The following STAT1 variants were observed in gnomAD, a reference collection of about 807,000 sequenced individuals.
STAT1 encodes signal transducer and activator of transcription 1-alpha/beta.
STAT1 carries 24 observed loss-of-function variants against 111.7 expected under a neutral mutation model. The observed-to-expected ratio is 0.21, with a 90% confidence interval of 0.16 to 0.30. STAT1 has a LOEUF of 0.30. STAT1 is among the 10% of genes least tolerant of loss of function. The pLI is 1.00. For missense variants in STAT1, 351 were observed against 911.9 expected (o/e 0.38, Z 7.92); for synonymous variants, 332 against 326.5 (o/e 1.02, Z -0.18).
Position 190,980,775 on chromosome 2 carries a change from C to A in STAT1, c.1583-106G>T. ...CTCTCAAGGAAAAGAGCCAAACACC[C>A]AACAAAGATTGTATGTACACAGTTG... On this transcript the variant is annotated intron_variant, in intron 18 of 24. Transcript: ENST00000361099. The surrounding 1 kb of genome is among the most constrained non-coding windows in gnomAD (Gnocchi z 6.1). 1 of 1,105,686 alleles carries A rather than the reference C, an allele frequency of 9.0e-7. No homozygotes were observed. The highest frequency in any genetic ancestry group is 1.4e-6 in the Non-Finnish European group (1 of 730,646). 68.5% of individuals were successfully genotyped at this position (1,105,686 alleles called of 1,614,324 possible).
chr2:191,005,851 C>T (rs1364797162), intron 5 of STAT1, among the ~76,000 whole-genome samples: 1 of 152,208 alleles, frequency 6.6e-6, no homozygotes, highest in Non-Finnish European at 1.5e-5. Flanking sequence ...TCCCCAGACA[C>T]CCAGAAACTT....
Position 190,998,287 on chromosome 2 carries a change from G to C in STAT1, c.563C>G (p.Ala188Gly). The change falls in exon 8 of 25, where the codon GCA becomes GGA. Residue 188 changes from alanine to glycine, a missense_variant. This residue lies in a region of STAT1 where 67 missense variants were observed against 158.9 expected (regional missense o/e 0.42). Coordinates refer to ENST00000361099, the MANE Select transcript of STAT1 (RefSeq NM_007315.4). This position sits in a 1 kb window ranked among gnomAD's most constrained non-coding sequence, Gnocchi z 4.1. ...QNREHETNGV[A>G]KSDQKQEQLL... ...CTGTTCTTGTTTCTGATCACTCTTT[G>C]CCACACCATTGGTCTCGTGTTCTAT... 2 of 1,613,432 alleles carry C rather than the reference G, an allele frequency of 1.2e-6. No individual in the cohort carries two copies. Among genetic ancestry groups the C allele is most frequent in the Non-Finnish European group, 1.7e-6 (2 of 1,179,822 alleles).
intron 15 of STAT1, among the ~76,000 whole-genome samples, chr2:190,985,374 C>T (rs139718116): frequency 9.9e-4 from 151 of 152,362 alleles, no homozygotes; most frequent in African/African-American, 3.4e-3. Flanking sequence ...AAGCCCACAA[C>T]AGCTACTCCA....
At chr2:191,013,937 G>A (rs978902128) in intron 1 of STAT1, 81 bp downstream of exon 1, 2 of 324,752 alleles carry the variant, frequency 6.2e-6, no homozygotes, top group Non-Finnish European at 1.1e-5. Context: ...GCCCGTCCTC[G>A]CCCGGCGTCC....
rs764471340 is a variant in STAT1, at chr2:190,984,298, TA to T, written c.1347+11del. On this transcript the variant is annotated intron_variant, in intron 16 of 24. Transcript: ENST00000361099. This position sits in a 1 kb window ranked among gnomAD's most constrained non-coding sequence, Gnocchi z 5.2. ...AATGAAGTTTTCCAACTCGGGACCA[TA>T]AAAGTCTTACCTCGAGGTCAATTAC... 6.2e-7 allele frequency: 1 copy of T among 1,607,570 alleles called. No individual in the cohort carries two copies. The highest frequency in any genetic ancestry group is 8.5e-7 in the Non-Finnish European group (1 of 1,174,120).
intron 4 of STAT1, 46 bp downstream of exon 4, chr2:191,008,917 A>G (rs757460302): frequency 2.5e-6 from 4 of 1,605,106 alleles, no homozygotes; most frequent in Non-Finnish European, 3.4e-6. Context: ...ACTGCCTTCC[A>G]TAAACATGAG....
In STAT1 at chr2:191,012,862, T is replaced by C. The variant is rs1364554473; in HGVS notation, c.-2+663A>G. On this transcript the variant is annotated intron_variant, in intron 2 of 24. Transcript: ENST00000361099. This position sits in a 1 kb window ranked among gnomAD's most constrained non-coding sequence, Gnocchi z 4.0. Reference sequence around the variant, plus strand: ...CTAAATCCTATAGCATTCAAAGCTATGTACAAAAGCCCCTTCTTTCATAAA... The same window carrying C: ...CTAAATCCTATAGCATTCAAAGCTACGTACAAAAGCCCCTTCTTTCATAAA... Among the ~76,000 whole-genome samples the C allele has an allele frequency of 6.6e-6, 1 of 152,246 alleles. No individual in the cohort carries two copies. Among genetic ancestry groups the C allele is most frequent in the Non-Finnish European group, 1.5e-5 (1 of 68,040 alleles).
At chr2:190,992,992 G>C (rs536768490) in intron 10 of STAT1, 1 of 257,656 alleles carries the variant, frequency 3.9e-6, no homozygotes, top group Non-Finnish European at 7.4e-6. Context: ...GTTTCATCAT[G>C]TTGGCCAGGC....
rs1217631984 is a variant in STAT1, at chr2:190,987,220, C to T, written c.1098-152G>A. ...TGGATTTGCAGCCTTTCATTCACTC[C>T]CTGCTTCCATCTACCCATACTAGGT... On this transcript the variant is annotated intron_variant, in intron 12 of 24. Coordinates refer to ENST00000361099, the MANE Select transcript of STAT1 (RefSeq NM_007315.4). This position sits in a 1 kb window ranked among gnomAD's most constrained non-coding sequence, Gnocchi z 4.0. The T allele has an allele frequency of 2.9e-6, 2 of 690,272 alleles. No homozygotes were observed. Among genetic ancestry groups the T allele is most frequent in the Non-Finnish European group, 5.0e-6 (2 of 398,440 alleles). 42.8% of individuals were successfully genotyped at this position (690,272 alleles called of 1,614,324 possible). A position where few individuals can be genotyped will look rare whatever the true frequency, so the allele number is the denominator to read the frequency against.
At chr2:190,994,044 G>C (rs1046956163) in intron 10 of STAT1, among the ~76,000 whole-genome samples, 6 of 152,216 alleles carry the variant, frequency 3.9e-5, no homozygotes, top group African/African-American at 1.4e-4. Flanking sequence ...CACGAAGGGA[G>C]ATAACATCTG....
intron 2 of STAT1, among the ~76,000 whole-genome samples, chr2:191,011,708 A>T (rs1027810561): frequency 6.6e-6 from 1 of 152,142 alleles, no homozygotes; most frequent in Non-Finnish European, 1.5e-5. Flanking sequence ...AGTGAGCCTC[A>T]TGACATCTGA....
In STAT1 at chr2:191,006,994, A is replaced by C. The variant is rs1028354049; in HGVS notation, c.372+569T>G. Among the ~76,000 whole-genome samples the C allele has an allele frequency of 3.9e-5, 6 of 152,072 alleles. No individual in the cohort carries two copies. The highest frequency in any genetic ancestry group is 1.4e-4 in the African/African-American group (6 of 41,408). ...CCTTCCCAGCTCCGTGTACAGCATTACCATTTTTCAAGGGGTTCTAGTAGC... is the reference window on the plus strand; with the variant it reads ...CCTTCCCAGCTCCGTGTACAGCATTCCCATTTTTCAAGGGGTTCTAGTAGC... On this transcript the variant is annotated intron_variant, in intron 5 of 24. Transcript: ENST00000361099. This position sits in a 1 kb window ranked among gnomAD's most constrained non-coding sequence, Gnocchi z 4.6.
chr2:190,997,933 T>C lies in STAT1; in HGVS notation c.708A>G (p.Leu236=), dbSNP rs1203357908. 4 of 1,614,120 alleles carry C rather than the reference T, an allele frequency of 2.5e-6. No individual in the cohort carries two copies. Among genetic ancestry groups the C allele is most frequent in the Non-Finnish European group, 3.4e-6 (4 of 1,180,056 alleles). ...TCTGCTGTCTCCGCTTCCACTCCAC[T>C]AGTTCATCATTAATCAGGGCATTCT... is the stretch of plus-strand genomic sequence containing the variant. ...LTQNALINDE[L]VEWKRRQQSA... is the part of the protein sequence containing the mutation. The change falls in exon 9 of 25, where the codon CTA becomes CTG. Residue 236 remains leucine (L), a synonymous_variant. Transcript: ENST00000361099. This position sits in a 1 kb window ranked among gnomAD's most constrained non-coding sequence, Gnocchi z 7.3.
In STAT1 at chr2:191,000,468, T is replaced by C. The variant is rs1215758333; in HGVS notation, c.462+606A>G. Among the ~76,000 whole-genome samples the C allele has an allele frequency of 6.6e-6, 1 of 151,774 alleles. No individual in the cohort carries two copies. The highest frequency in any genetic ancestry group is 1.5e-5 in the Non-Finnish European group (1 of 68,022). ...CCAAACCCCTAAGCTGGAAGGCCTT[T>C]TCCACAAACACAGGCCTCTGTGAAA... On this transcript the variant is annotated intron_variant, in intron 6 of 24. Transcript: ENST00000361099. The surrounding 1 kb of genome is among the most constrained non-coding windows in gnomAD (Gnocchi z 4.8).
rs1693550763 is a variant in STAT1 at position 190,993,412 on chromosome 2, A to C, written c.944+1649T>G. Reference sequence around the variant, plus strand: ...TGATTGTTTTCCCGTCTAACTCTATAGTTCTTATTTTGAAATCCATACCAA... The same window carrying C: ...TGATTGTTTTCCCGTCTAACTCTATCGTTCTTATTTTGAAATCCATACCAA... On this transcript the variant is annotated intron_variant, in intron 10 of 24. Coordinates refer to ENST00000361099, the MANE Select transcript of STAT1 (RefSeq NM_007315.4). This position sits in a 1 kb window ranked among gnomAD's most constrained non-coding sequence, Gnocchi z 4.1. 7.2e-7 allele frequency: 1 copy of C among 1,397,390 alleles called. No homozygotes were observed. The highest frequency in any genetic ancestry group is 1.2e-5 in the South Asian group (1 of 82,482). 86.6% of individuals were successfully genotyped at this position (1,397,390 alleles called of 1,614,324 possible).
rs1694666460 is a variant in STAT1 at position 191,006,087 on chromosome 2, A to G, written c.372+1476T>C. Among the ~76,000 whole-genome samples, 1 of 152,262 alleles carries G rather than the reference A, an allele frequency of 6.6e-6. No homozygotes were observed. Among genetic ancestry groups the G allele is most frequent in the African/African-American group, 2.4e-5 (1 of 41,470 alleles). On this transcript the variant is annotated intron_variant, in intron 5 of 24. Transcript: ENST00000361099. This position sits in a 1 kb window ranked among gnomAD's most constrained non-coding sequence, Gnocchi z 4.6. ...GGCCAAGGGGCCAAATGTGAGGATG[A>G]CATGCTTGCAGCTGGGGGAAACAGG...
chr2:190,980,624 C>G lies in STAT1; in HGVS notation c.1628G>C (p.Cys543Ser). Residue 543 changes from cysteine to serine, a missense_variant, in exon 19 of 25, where the codon TGT (cysteine) becomes TCT (serine). This residue lies in a region of STAT1 where 181 missense variants were observed against 426.1 expected (regional missense o/e 0.42). Coordinates refer to ENST00000361099, the MANE Select transcript of STAT1 (RefSeq NM_007315.4). The surrounding 1 kb of genome is among the most constrained non-coding windows in gnomAD (Gnocchi z 6.1). ...PDGLIPWTRF[C>S]KENINDKNFP... ...TAAAACCCAGACAGTCCTCACCTTA[C>G]AAAACCTCGTCCACGGAATGAGACC... 6.2e-7 allele frequency: 1 copy of G among 1,614,202 alleles called. No homozygotes were observed. The highest frequency in any genetic ancestry group is 8.5e-7 in the Non-Finnish European group (1 of 1,180,032).
Position 190,994,194 on chromosome 2 carries a change from C to T in STAT1, c.944+867G>A, listed in dbSNP as rs530706698. Among the ~76,000 whole-genome samples, 10 of 152,236 alleles carry T rather than the reference C, an allele frequency of 6.6e-5. No individual in the cohort carries two copies. The East Asian group carries it at 7.7e-4, about 12-fold the overall frequency. ...GGAGAGCCACAGAAAAGCAAGTATG[C>T]GGCATGGCCCCTATAGGAATCAGCA... is the stretch of plus-strand genomic sequence containing the variant. On this transcript the variant is annotated intron_variant, in intron 10 of 24. Transcript: ENST00000361099.
rs41533248 is a variant in STAT1, at chr2:190,987,013, A to C, written c.1127+26T>G. The C allele has an allele frequency of 2.7e-4, 436 of 1,611,530 alleles. No individual in the cohort carries two copies. In the African/African-American group the frequency reaches 5.0e-3, roughly 18 times the overall value. ...TATTAAATAAATAAAAATATAGCAC[A>C]GTATAGCGTAAAGTACGTCACGTAC... On this transcript the variant is annotated intron_variant, in intron 13 of 24. Coordinates refer to ENST00000361099, the MANE Select transcript of STAT1 (RefSeq NM_007315.4). The surrounding 1 kb of genome is among the most constrained non-coding windows in gnomAD (Gnocchi z 4.0).
Sources: allele counts gnomAD v4.1 joint callset (sites outside exome capture counted in the v4.1 genomes callset), GRCh38; gene constraint gnomAD v4.1.1; regional missense constraint gnomAD v4.1.1; non-coding constraint Gnocchi (gnomAD v3.1); transcripts MANE v1.5; gene names NCBI Gene and HGNC (gene_info 2026-07-23, HGNC 2026-07-21).